CNTN4: variants seen among roughly 807,000 people sequenced by gnomAD.
CNTN4 encodes the protein contactin 4, also known as contactin-4.
Under a neutral mutation model 122.5 loss-of-function variants are expected in CNTN4, and 77 were observed. That is an observed-to-expected ratio of 0.63 (90% CI 0.52 to 0.76). The LOEUF is 0.76. CNTN4 is among the 30% of genes least tolerant of loss of function. CNTN4 has a pLI of 0.00. For synonymous variants in CNTN4, 512 were observed against 447.0 expected (o/e 1.15, Z -1.83); for missense variants, 1,256 against 1,259.1 (o/e 1.00, Z 0.04).
intron 3 of CNTN4, among the ~76,000 whole-genome samples, chr3:2,436,326 G>T (rs2048256650): frequency 6.6e-6 from 1 of 152,024 alleles, no homozygotes; most frequent in Non-Finnish European, 1.5e-5. Context: ...AGAGTTGTAG[G>T]CATCTCTCAC....
intron 3 of CNTN4, among the ~76,000 whole-genome samples, chr3:2,518,846 A>G (rs959940406): frequency 2.6e-5 from 4 of 152,162 alleles, no homozygotes; most frequent in African/African-American, 9.7e-5. Context: ...AAACAGACTA[A>G]TAGAAGAAAA....
At chr3:2,893,157 C>G (rs961936307) in intron 10 of CNTN4, among the ~76,000 whole-genome samples, 1 of 152,042 alleles carries the variant, frequency 6.6e-6, no homozygotes, top group Non-Finnish European at 1.5e-5. Flanking sequence ...TTTTCTTCTT[C>G]AAATTACATG....
intron 3 of CNTN4, among the ~76,000 whole-genome samples, chr3:2,400,432 T>TATATATATATATATATATATATAC (rs2046812046): frequency 1.9e-5 from 2 of 103,192 alleles, no homozygotes; most frequent in Non-Finnish European, 4.7e-5. Flanking sequence ...TATATACATA[T>TATATATATATATATATATATATAC]ATATATATAT....
At chr3:2,240,505 G>C (rs944153688) in intron 2 of CNTN4, among the ~76,000 whole-genome samples, 2 of 151,992 alleles carry the variant, frequency 1.3e-5, no homozygotes, top group African/African-American at 4.8e-5. Flanking sequence ...GACTTCACTA[G>C]ATTTCTCAAA....
At position 3,040,212 on chromosome 3, in the gene CNTN4, T is replaced by A; in HGVS notation, c.2339T>A (p.Phe780Tyr). 6.2e-7 allele frequency: 1 copy of A among 1,614,250 alleles called. No homozygotes were observed. Residue 780 changes from phenylalanine (F) to tyrosine (Y), a missense_variant, in exon 20 of 25, where the codon TTC becomes TAC. By Grantham distance (22) the Phe-to-Tyr change is conservative. Transcript: ENST00000418658. ...CCCTTTGAGGTTAAAGTAGGTGTCT[T>A]CAACAACAAAGGAGAAGGCCCTTTC... The part of the protein sequence containing the change: ...FSPFEVKVGV[F>Y]NNKGEGPFSP...
At chr3:2,597,245 T>A (rs2080812836) in intron 4 of CNTN4, among the ~76,000 whole-genome samples, 1 of 152,170 alleles carries the variant, frequency 6.6e-6, no homozygotes, top group East Asian at 1.9e-4. Context: ...GAGATTGTTA[T>A]GAAAATCACA....
At chr3:2,994,010 A>G (rs941505218) in intron 14 of CNTN4, among the ~76,000 whole-genome samples, 6 of 152,326 alleles carry the variant, frequency 3.9e-5, no homozygotes, top group African/African-American at 1.4e-4. Context: ...CACTGGAACA[A>G]TAATTCAATT....
chr3:2,978,404 A>C (rs1171339921), intron 13 of CNTN4, among the ~76,000 whole-genome samples: 3 of 152,154 alleles, frequency 2.0e-5, no homozygotes, highest in African/African-American at 7.2e-5. Flanking sequence ...AGGAACATTA[A>C]AGAGAGGTTC....
chr3:2,339,484 T>C (rs766509124), intron 3 of CNTN4, among the ~76,000 whole-genome samples: 1 of 152,214 alleles, frequency 6.6e-6, no homozygotes, highest in Non-Finnish European at 1.5e-5. Context: ...TAGTTTAGAT[T>C]AATTTGATAA....
At position 2,337,393 on chromosome 3, in the gene CNTN4, G is replaced by T. The variant is rs143015383; in HGVS notation, c.-144-1785G>T. Among the ~76,000 whole-genome samples, 343 of 152,244 alleles carry T rather than the reference G, an allele frequency of 2.3e-3. 2 individuals carry two copies. Among genetic ancestry groups the T allele is most frequent in the African/African-American group, 7.7e-3 (320 of 41,558 alleles). On this transcript the variant is annotated intron_variant, in intron 2 of 24. Transcript: ENST00000418658. ...CACCATGCATGAAACTATCCATAAT[G>T]TATGAGAATCTCTTGCCAATGTTAC...
At chr3:2,426,326 C>T (rs1191222747) in intron 3 of CNTN4, among the ~76,000 whole-genome samples, 12 of 152,114 alleles carry the variant, frequency 7.9e-5, no homozygotes, top group African/African-American at 2.2e-4. Flanking sequence ...TTGAGATAAT[C>T]ATGTGGTTTT....
intron 3 of CNTN4, among the ~76,000 whole-genome samples, chr3:2,367,690 G>A (rs2045449447): frequency 6.6e-6 from 1 of 152,124 alleles, no homozygotes; most frequent in Non-Finnish European, 1.5e-5. Flanking sequence ...TCACCATGTT[G>A]ACCAGGCTGG....
intron 4 of CNTN4, among the ~76,000 whole-genome samples, chr3:2,641,531 T>G (rs2082894853): frequency 6.6e-6 from 1 of 152,196 alleles, no homozygotes; most frequent in African/African-American, 2.4e-5. Flanking sequence ...TTCATCAACT[T>G]GATTCCCTCC....
chr3:2,319,599 A>AAT (rs4057751), intron 2 of CNTN4, among the ~76,000 whole-genome samples: 137,471 of 152,110 alleles, frequency 0.9, 62,540 homozygotes, highest in East Asian at 1. Context: ...ATGAAAAGTA[A>AAT]ATGTTTCCTC....
At chr3:2,999,059 G>C (rs1695796302) in intron 14 of CNTN4, 1 of 152,106 alleles carries the variant, frequency 6.6e-6, no homozygotes, top group Non-Finnish European at 1.5e-5. Flanking sequence ...ATTACATCCA[G>C]GCTGTATTCA....
intron 6 of CNTN4, among the ~76,000 whole-genome samples, chr3:2,764,884 T>TA (rs1322707663): frequency 2.6e-5 from 4 of 152,144 alleles, no homozygotes; most frequent in African/African-American, 7.2e-5. Context: ...AACTCAGACA[T>TA]AAAAAAATTA....
intron 6 of CNTN4, among the ~76,000 whole-genome samples, chr3:2,781,964 C>T (rs1478728796): frequency 6.7e-6 from 1 of 150,148 alleles, no homozygotes; most frequent in Admixed American, 6.7e-5. Flanking sequence ...ACCTCGTGAT[C>T]CCCCCGCCTC....
intron 2 of CNTN4, among the ~76,000 whole-genome samples, chr3:2,265,219 C>A (rs1325353989): frequency 1.3e-5 from 2 of 151,964 alleles, no homozygotes; most frequent in African/African-American, 4.8e-5. Flanking sequence ...AAGTAGTATC[C>A]CATGGTGTAT....
intron 4 of CNTN4, among the ~76,000 whole-genome samples, chr3:2,643,200 G>A (rs879918965): frequency 6.6e-6 from 1 of 152,088 alleles, no homozygotes; most frequent in Admixed American, 6.6e-5. Flanking sequence ...TTGAGATGGA[G>A]TCTCTCTCTG....
Sources: gnomAD v4.1 joint callset for allele counts (sites outside exome capture counted in the v4.1 genomes callset) on GRCh38, gnomAD v4.1.1 for gene constraint, MANE v1.5 for transcripts, NCBI Gene and HGNC (gene_info 2026-07-23, HGNC 2026-07-21) for gene names.